TCF12: variants seen among roughly 807,000 people sequenced by gnomAD.
The protein encoded by TCF12 is transcription factor 12.
Under a neutral mutation model 86.0 loss-of-function variants are expected in TCF12, and 45 were observed. The ratio of observed to expected loss-of-function variants is 0.52; its 90% CI spans 0.41 to 0.67. The LOEUF (loss-of-function observed/expected upper bound fraction) is 0.67. Among genes scored for constraint, TCF12 ranks in the 30% least tolerant of loss-of-function variants. The pLI, the probability that TCF12 is intolerant of heterozygous loss-of-function variation, is 0.00. For synonymous variants in TCF12, 330 were observed against 299.6 expected (o/e 1.10, Z -1.05); for missense variants, 881 against 859.9 (o/e 1.02, Z -0.31).
intron 8 of TCF12, among the ~76,000 whole-genome samples, chr15:57,212,419 G>A (rs1432293231): frequency 6.6e-6 from 1 of 152,028 alleles, no homozygotes; most frequent in African/African-American, 2.4e-5. Flanking sequence ...AGGTAGCTGG[G>A]ATTACAGGTG....
intron 3 of TCF12, among the ~76,000 whole-genome samples, chr15:57,007,844 C>T (rs554945510): frequency 1.7e-4 from 18 of 105,752 alleles, no homozygotes; most frequent in African/African-American, 6.3e-4. Context: ...TTCTTTCTCT[C>T]TTTCCCTCCC....
intron 6 of TCF12, among the ~76,000 whole-genome samples, chr15:57,186,375 T>C (rs1242459923): frequency 1.3e-5 from 2 of 152,296 alleles, no homozygotes; most frequent in East Asian, 3.9e-4. Flanking sequence ...GGCATCCACC[T>C]GCAGTCCTAG....
At chr15:57,009,092 A>G (rs994218786) in intron 3 of TCF12, among the ~76,000 whole-genome samples, 1 of 152,164 alleles carries the variant, frequency 6.6e-6, no homozygotes, top group Admixed American at 6.5e-5. Flanking sequence ...ATACTTAACT[A>G]TGAAAATTTG....
intron 8 of TCF12, among the ~76,000 whole-genome samples, chr15:57,215,237 G>A (rs2058284658): frequency 6.6e-6 from 1 of 152,110 alleles, no homozygotes; most frequent in Non-Finnish European, 1.5e-5. Context: ...CTAAAATACT[G>A]CACATTTGAG....
intron 5 of TCF12, among the ~76,000 whole-genome samples, chr15:57,154,752 C>G (rs758469998): frequency 6.6e-6 from 1 of 152,144 alleles, no homozygotes; most frequent in Non-Finnish European, 1.5e-5. Flanking sequence ...TTTAAAACCT[C>G]TGAAAGTATC....
intron 3 of TCF12, among the ~76,000 whole-genome samples, chr15:56,990,406 C>T (rs1474556171): frequency 1.3e-5 from 2 of 151,954 alleles, no homozygotes; most frequent in East Asian, 1.9e-4. Flanking sequence ...GATTTAGAAA[C>T]TTATAGACTT....
intron 5 of TCF12, among the ~76,000 whole-genome samples, chr15:57,132,176 A>G (rs2052177872): frequency 6.6e-6 from 1 of 152,138 alleles, no homozygotes; most frequent in Non-Finnish European, 1.5e-5. Context: ...GTGTATAATA[A>G]TAATAATATC....
intron 3 of TCF12, among the ~76,000 whole-genome samples, chr15:57,025,558 G>C (rs2065776556): frequency 6.6e-6 from 1 of 152,092 alleles, no homozygotes; most frequent in African/African-American, 2.4e-5. Flanking sequence ...GACACAATGG[G>C]ATGGAATTGT....
chr15:57,223,660 T>TTTTTTGTTTTTG, intron 8 of TCF12, among the ~76,000 whole-genome samples: 1 of 145,394 alleles, frequency 6.9e-6, no homozygotes, highest in East Asian at 2.0e-4. Flanking sequence ...TTTTTTTTTT[T>TTTTTTGTTTTTG]TTTTTTTTTT....
At position 57,289,586 on chromosome 15, in the gene TCF12, A is replaced by G. The variant is rs1432504625; in HGVS notation, c.*3441A>G. On this transcript the variant is annotated 3_prime_UTR_variant, in exon 21 of 21. Coordinates refer to ENST00000333725, the MANE Select transcript of TCF12 (RefSeq NM_207037.2). ...TGTTTTCTTTTTCCTTGGAAACTCAAAATTTAAACACACGTCGTGTGTGTG... is the reference window on the plus strand; with the variant it reads ...TGTTTTCTTTTTCCTTGGAAACTCAGAATTTAAACACACGTCGTGTGTGTG... 1 of 146,144 alleles carries G rather than the reference A, an allele frequency of 6.8e-6. No individual in the cohort carries two copies. The highest frequency in any genetic ancestry group is 1.5e-5 in the Non-Finnish European group (1 of 67,682). The allele number at this position is 146,144 out of a possible 1,614,324, so 9.1% of individuals were successfully genotyped here.
intron 3 of TCF12, among the ~76,000 whole-genome samples, chr15:56,922,593 A>G (rs965572682): frequency 6.6e-6 from 1 of 152,004 alleles, no homozygotes; most frequent in Non-Finnish European, 1.5e-5. Context: ...TACATTGCGA[A>G]TGGTCACCAT....
At chr15:57,245,446 A>G (rs1468418028) in intron 13 of TCF12, among the ~76,000 whole-genome samples, 1 of 152,240 alleles carries the variant, frequency 6.6e-6, no homozygotes, top group African/African-American at 2.4e-5. Context: ...CAGTTCTACT[A>G]AAATTATCAA....
chr15:56,945,835 A>G (rs546467533), intron 3 of TCF12, among the ~76,000 whole-genome samples: 1 of 152,326 alleles, frequency 6.6e-6, no homozygotes, highest in Non-Finnish European at 1.5e-5. Flanking sequence ...GATTAAAGTC[A>G]TAATCTCAGG....
At chr15:57,118,507 A>C (rs1320572807) in intron 5 of TCF12, 1 of 152,096 alleles carries the variant, frequency 6.6e-6, no homozygotes, top group Non-Finnish European at 1.5e-5. Context: ...AATTTGATTA[A>C]GCTTCAGACA....
chr15:57,130,700 G>C (rs1468494821), intron 5 of TCF12, among the ~76,000 whole-genome samples: 1 of 152,090 alleles, frequency 6.6e-6, no homozygotes, highest in Non-Finnish European at 1.5e-5. Flanking sequence ...TCTGGTTTTG[G>C]TGTTTTCAAA....
intron 3 of TCF12, among the ~76,000 whole-genome samples, chr15:56,942,162 G>C (rs942519089): frequency 3.9e-5 from 6 of 152,198 alleles, no homozygotes; most frequent in Non-Finnish European, 7.3e-5. Flanking sequence ...TGTGTGAAAA[G>C]AGCAGGTTTG....
intron 5 of TCF12, among the ~76,000 whole-genome samples, chr15:57,105,264 A>G (rs1206866602): frequency 6.6e-6 from 1 of 152,222 alleles, no homozygotes; most frequent in Non-Finnish European, 1.5e-5. Context: ...AATAACCTTA[A>G]TAGAGAATGC....
At chr15:57,055,910 A>G (rs1203794982) in intron 3 of TCF12, among the ~76,000 whole-genome samples, 1 of 151,818 alleles carries the variant, frequency 6.6e-6, no homozygotes, top group Non-Finnish European at 1.5e-5. Flanking sequence ...TTGTTCTCTC[A>G]TTATACCTAT....
intron 19 of TCF12, among the ~76,000 whole-genome samples, chr15:57,275,327 G>GGGGGTGTGTGTGTGTGTGTGTGTGT (rs2061328433): frequency 1.6e-5 from 1 of 64,060 alleles, no homozygotes; most frequent in African/African-American, 7.2e-5. Flanking sequence ...GTAAGGTAGG[G>GGGGGTGTGTGTGTGTGTGTGTGTGT]GTGTGTGTGT....
Sources: allele counts gnomAD v4.1 joint callset (sites outside exome capture counted in the v4.1 genomes callset), GRCh38; gene constraint gnomAD v4.1.1; transcripts MANE v1.5; gene names NCBI Gene and HGNC (gene_info 2026-07-23, HGNC 2026-07-21).